TTC28: variants seen among roughly 807,000 people sequenced by gnomAD.
The protein encoded by TTC28 is tetratricopeptide repeat domain 28, also known as tetratricopeptide repeat protein 28.
TTC28 carries 61 observed loss-of-function variants against 198.0 expected under a neutral mutation model. The observed-to-expected ratio is 0.31, with a 90% CI of 0.25 to 0.38. The LOEUF is 0.38. Ranked by LOEUF, TTC28 falls within the 10% of genes least tolerant of loss-of-function variation. The probability of loss-of-function intolerance (pLI) is 1.00; values close to 1 mark genes in which losing one functional copy is unlikely to be tolerated. For synonymous variants in TTC28, 1,171 were observed against 1,297.8 expected, an observed-to-expected ratio of 0.90 and a Z score of 2.10; for missense variants, 2,678 against 3,164.0, an observed-to-expected ratio of 0.85 and a Z score of 3.69.
chr22:28,579,451 C>G (rs1393337693), intron 2 of TTC28, among the ~76,000 whole-genome samples: 1 of 147,976 alleles, frequency 6.8e-6, no homozygotes, highest in African/African-American at 2.5e-5. Context: ...ATACGTATAA[C>G]TATATACATA....
At chr22:28,289,606 G>A (rs995011594) in intron 5 of TTC28, among the ~76,000 whole-genome samples, 2 of 152,218 alleles carry the variant, frequency 1.3e-5, no homozygotes, top group South Asian at 2.1e-4. Flanking sequence ...GCTGAGGCAG[G>A]AGGACTGCCT....
chr22:28,204,295 T>C (rs919448458), intron 5 of TTC28, among the ~76,000 whole-genome samples: 2 of 152,194 alleles, frequency 1.3e-5, no homozygotes, highest in East Asian at 1.9e-4. Flanking sequence ...TCAGCCAATA[T>C]GCAAACCATC....
At chr22:28,129,333 T>A (rs1477038562) in intron 6 of TTC28, among the ~76,000 whole-genome samples, 1 of 152,178 alleles carries the variant, frequency 6.6e-6, no homozygotes, top group Non-Finnish European at 1.5e-5. Context: ...CCAGACCAAT[T>A]AAATCCGAAT....
chr22:28,172,139 G>A (rs1016892654), intron 5 of TTC28, among the ~76,000 whole-genome samples: 5 of 152,036 alleles, frequency 3.3e-5, no homozygotes, highest in South Asian at 4.2e-4. Context: ...CCCTCAAAGC[G>A]AAACATGCAG....
intron 13 of TTC28, among the ~76,000 whole-genome samples, chr22:28,026,444 C>T (rs945866004): frequency 1.3e-5 from 2 of 152,142 alleles, no homozygotes; most frequent in African/African-American, 4.8e-5. Context: ...GTGGCCGGCC[C>T]ACTCCCACCT....
At chr22:28,094,905 C>G (rs1400117563) in intron 11 of TTC28, among the ~76,000 whole-genome samples, 1 of 152,140 alleles carries the variant, frequency 6.6e-6, no homozygotes. Flanking sequence ...CGCCGGTCCT[C>G]TCTGATTGGA....
At chr22:28,654,641 T>C (rs1008526765) in intron 1 of TTC28, among the ~76,000 whole-genome samples, 5 of 152,212 alleles carry the variant, frequency 3.3e-5, no homozygotes, top group Non-Finnish European at 7.3e-5. Context: ...AAATAAATTA[T>C]TAAATGCCCA....
intron 1 of TTC28, among the ~76,000 whole-genome samples, chr22:28,672,069 C>A (rs991973301): frequency 3.3e-5 from 5 of 152,146 alleles, no homozygotes; most frequent in African/African-American, 1.2e-4. Flanking sequence ...CTCTGTCACC[C>A]AGGCTGGAGT....
In TTC28 at chr22:28,094,140, G is replaced by A. The variant is rs1470424598; in HGVS notation, c.3872C>T (p.Ala1291Val). The change falls in exon 12 of 23, where the codon GCC becomes GTC. Residue 1291 changes from alanine (A) to valine (V), a missense_variant. Ala to Val is a moderately conservative substitution (Grantham distance 64). Transcript: ENST00000397906. ...SVTLPTATGS[A>V]LEQHIASVRE... is the part of the protein sequence containing the mutation. ...GACACTGGCAATGTGCTGCTCCAGG[G>A]CTGAGCCGGTTGCTGTTGGAAGGGT... The A allele has an allele frequency of 6.4e-7, 1 of 1,551,508 alleles. No individual in the cohort carries two copies. Among genetic ancestry groups the A allele is most frequent in the Non-Finnish European group, 8.7e-7 (1 of 1,146,952 alleles).
intron 2 of TTC28, among the ~76,000 whole-genome samples, chr22:28,377,240 C>T (rs1355096085): frequency 2.8e-5 from 4 of 140,590 alleles, no homozygotes; most frequent in Admixed American, 7.1e-5. Flanking sequence ...GGGACTAGGA[C>T]ATAATATATT....
At chr22:28,297,397 G>T (rs535332238) in intron 4 of TTC28, among the ~76,000 whole-genome samples, 183 bp downstream of exon 4, 1 of 151,202 alleles carries the variant, frequency 6.6e-6, no homozygotes, top group East Asian at 1.9e-4. Flanking sequence ...AAGAAACAGG[G>T]TCTCACTATT....
chr22:28,248,106 T>C (rs959140110), intron 5 of TTC28, among the ~76,000 whole-genome samples: 9 of 152,198 alleles, frequency 5.9e-5, no homozygotes, highest in African/African-American at 1.9e-4. Context: ...TATTAGTAAG[T>C]GGCCTATGAT....
chr22:28,537,150 G>A (rs912220953), intron 2 of TTC28, among the ~76,000 whole-genome samples: 7 of 151,156 alleles, frequency 4.6e-5, no homozygotes, highest in East Asian at 1.9e-4. Context: ...AAAATTAGCC[G>A]GGCGTGGTGG....
intron 2 of TTC28, among the ~76,000 whole-genome samples, chr22:28,628,212 A>G (rs997716593): frequency 3.9e-5 from 6 of 152,174 alleles, no homozygotes; most frequent in African/African-American, 1.2e-4. Context: ...CATATTATTA[A>G]TAAGACATTA....
intron 2 of TTC28, among the ~76,000 whole-genome samples, chr22:28,492,698 C>A (rs1207647032): frequency 1.3e-5 from 2 of 152,050 alleles, no homozygotes; most frequent in African/African-American, 4.8e-5. Context: ...TAGCAAGTGC[C>A]TCTAAAAAAT....
At chr22:28,471,372 G>C (rs1433473986) in intron 2 of TTC28, among the ~76,000 whole-genome samples, 4 of 152,066 alleles carry the variant, frequency 2.6e-5, no homozygotes, top group Non-Finnish European at 5.9e-5. Context: ...ACCTAATCCA[G>C]GTTGAAATGT....
At chr22:28,579,581 G>A (rs930712425) in intron 2 of TTC28, among the ~76,000 whole-genome samples, 2 of 147,804 alleles carry the variant, frequency 1.4e-5, no homozygotes, top group Admixed American at 6.8e-5. Context: ...GCATGTGTGT[G>A]TATATATATA....
intron 2 of TTC28, among the ~76,000 whole-genome samples, chr22:28,372,803 C>T (rs1162683440): frequency 6.6e-6 from 1 of 152,116 alleles, no homozygotes; most frequent in African/African-American, 2.4e-5. Context: ...GGAATAAACA[C>T]CGAAGTCAGG....
In TTC28 at chr22:28,009,072, A is replaced by G. The variant is rs562748527; in HGVS notation, c.4218+5176T>C. 2.6e-5 allele frequency among the ~76,000 whole-genome samples: 4 copies of G among 152,350 alleles called. No homozygotes were observed. The South Asian group carries it at 8.3e-4, about 32-fold the overall frequency. On this transcript the variant is annotated intron_variant, in intron 14 of 22. Transcript: ENST00000397906. ...TGACATTTTCTCCTTTGGGGACTAC[A>G]CAGGATCTGACTTAATGTTTGATGA... is the stretch of plus-strand genomic sequence containing the variant.
Sources: allele counts gnomAD v4.1 joint callset (sites outside exome capture counted in the v4.1 genomes callset), GRCh38; gene constraint gnomAD v4.1.1; transcripts MANE v1.5; gene names NCBI Gene and HGNC (gene_info 2026-07-23, HGNC 2026-07-21).